Variants in AK9 observed in about 807,000 individuals in gnomAD.
AK9 encodes adenylate kinase domain containing 1.
AK9 carries 191 observed loss-of-function variants against 239.6 expected under a neutral mutation model. The observed-to-expected ratio is 0.80, with a 90% CI of 0.71 to 0.90. AK9 has a LOEUF of 0.90. Among genes scored for constraint, AK9 ranks in the 40% least tolerant of loss-of-function variants. The pLI is 0.00. For missense variants in AK9, 1,995 were observed against 2,214.7 expected, an observed-to-expected ratio of 0.90 and a Z score of 1.99; for synonymous variants, 689 against 721.0, an observed-to-expected ratio of 0.96 and a Z score of 0.71.
At chr6:109,532,639 T>G (rs1781428799) in intron 28 of AK9, among the ~76,000 whole-genome samples, 1 of 152,224 alleles carries the variant, frequency 6.6e-6, no homozygotes, top group Non-Finnish European at 1.5e-5. Context: ...CCACCTTTTA[T>G]TTTTCTATTC....
chr6:109,619,525 C>CAT (rs1046275327), intron 12 of AK9, among the ~76,000 whole-genome samples: 4 of 151,850 alleles, frequency 2.6e-5, no homozygotes, highest in African/African-American at 9.7e-5. Context: ...GAAGTTAAAA[C>CAT]ATATATATAT....
rs556121917 is a variant in AK9, at chr6:109,662,598, A to G, written c.397T>C (p.Leu133=). The change falls in exon 6 of 41, where the codon TTA becomes CTA. Residue 133 remains leucine, a synonymous_variant. Transcript: ENST00000424296. ...GGTTTCAGGTTTAAGTTTTTAATTA[A>G]TTCTATTTGCTGTAAGGTAGTCATG... ...DAMTTLQQIE[L]IKNLNLKPDV... is the part of the protein sequence containing the mutation. The G allele has an allele frequency of 1.1e-5, 17 of 1,590,582 alleles. No individual in the cohort carries two copies. The African/African-American group carries it at 1.5e-4, about 14-fold the overall frequency.
At chr6:109,493,640 G>A (rs963254649) in intron 40 of AK9, 69 bp from the exon 41 acceptor site, 2 of 1,351,548 alleles carry the variant, frequency 1.5e-6, no homozygotes, top group African/African-American at 2.9e-5. Context: ...AAAGAGACCT[G>A]GATGTGTGGT....
intron 36 of AK9, 47 bp downstream of exon 36, chr6:109,498,997 G>A (rs749963504): frequency 1.5e-6 from 2 of 1,367,494 alleles, no homozygotes; most frequent in South Asian, 3.8e-5. Context: ...TCCAAGATAA[G>A]ACATTTTCTT....
Position 109,668,161 on chromosome 6 carries a change from G to T in AK9, c.331+3758C>A, listed in dbSNP as rs1335405163. 1.3e-4 allele frequency among the ~76,000 whole-genome samples: 20 copies of T among 152,160 alleles called. 1 individual carries two copies. Among genetic ancestry groups the T allele is most frequent in the Middle Eastern group, 6.8e-3 (2 of 294 alleles). On this transcript the variant is annotated intron_variant, in intron 5 of 40. Coordinates refer to ENST00000424296, the MANE Select transcript of AK9 (RefSeq NM_001145128.3). ...TTTCTTGGACGGCCAGTGATGATGA[G>T]CATTTTTTCATGTGTCTGTTGGCTG...
Position 109,641,556 on chromosome 6 carries a change from G to A in AK9, c.895C>T (p.Gln299Ter), listed in dbSNP as rs1797448599. The A allele has an allele frequency of 6.2e-7, 1 of 1,613,584 alleles. No homozygotes were observed. The highest frequency in any genetic ancestry group is 8.5e-7 in the Non-Finnish European group (1 of 1,179,668). Residue 299 changes from glutamine to a stop codon, truncating the protein, a stop_gained, in exon 10 of 41, where the codon CAG becomes TAG. Coordinates refer to ENST00000424296, the MANE Select transcript of AK9 (RefSeq NM_001145128.3). LOFTEE classifies it high-confidence loss of function. ...LKRAAILTKL[Q>*]GAEEEINDTM... is the part of the protein sequence containing the mutation. Reference sequence around the variant, plus strand: ...TCATTAATTTCTTCCTCTGCACCCTGAAGTTTGGTTAGAATAGCTGCTCTT... The same window carrying A: ...TCATTAATTTCTTCCTCTGCACCCTAAAGTTTGGTTAGAATAGCTGCTCTT...
chr6:109,598,763 A>G (rs1791448207), intron 17 of AK9, among the ~76,000 whole-genome samples: 1 of 152,188 alleles, frequency 6.6e-6, no homozygotes, highest in Non-Finnish European at 1.5e-5. Context: ...AATGATCGCC[A>G]TTCTAACTGG....
At chr6:109,612,536 T>TG (rs1332275234) in intron 15 of AK9, among the ~76,000 whole-genome samples, 1 of 152,112 alleles carries the variant, frequency 6.6e-6, no homozygotes, top group Non-Finnish European at 1.5e-5. Flanking sequence ...CAGACAGTCT[T>TG]GGGGCAGGGC....
At chr6:109,599,896 G>A (rs1471503526) in intron 17 of AK9, among the ~76,000 whole-genome samples, 1 of 152,198 alleles carries the variant, frequency 6.6e-6, no homozygotes, top group African/African-American at 2.4e-5. Context: ...TGGTGTATAA[G>A]AATGCTTGCG....
At chr6:109,612,916 T>C (rs1372043040) in intron 15 of AK9, among the ~76,000 whole-genome samples, 2 of 149,428 alleles carry the variant, frequency 1.3e-5, no homozygotes, top group Non-Finnish European at 3.0e-5. Flanking sequence ...CAAATACATA[T>C]AAATTTATGT....
At chr6:109,647,438 C>T (rs1378065254) in intron 8 of AK9, among the ~76,000 whole-genome samples, 5 of 152,112 alleles carry the variant, frequency 3.3e-5, no homozygotes, top group African/African-American at 4.8e-5. Flanking sequence ...GGGTTGCAAT[C>T]CTAGTCTCTG....
intron 27 of AK9, among the ~76,000 whole-genome samples, chr6:109,538,232 G>A (rs1782310303): frequency 1.3e-5 from 2 of 152,166 alleles, no homozygotes; most frequent in South Asian, 4.1e-4. Context: ...ATTACTGTGT[G>A]GGAGTCTAAG....
At position 109,563,708 on chromosome 6, in the gene AK9, T is replaced by A; in HGVS notation, c.2640A>T (p.Pro880=). Residue 880 remains proline, a synonymous_variant, in exon 24 of 41, where the codon CCA becomes CCT. Coordinates refer to ENST00000424296, the MANE Select transcript of AK9 (RefSeq NM_001145128.3). ...TTAACTCCCATGCAGTATATTGAAA[T>A]GGTTCTGGAGAAAAAGAGAATCATT... ...LQKVVETMEK[P]FQYTAWELTG... 1 of 1,549,716 alleles carries A rather than the reference T, an allele frequency of 6.5e-7. No homozygotes were observed. The highest frequency in any genetic ancestry group is 8.7e-7 in the Non-Finnish European group (1 of 1,145,628).
rs1225108030 is a variant in AK9, at chr6:109,509,248, G to C, written c.4412C>G (p.Thr1471Arg). 6.4e-7 allele frequency: 1 copy of C among 1,551,966 alleles called. No individual in the cohort carries two copies. Among genetic ancestry groups the C allele is most frequent in the Non-Finnish European group, 8.7e-7 (1 of 1,147,074 alleles). ...MLNWHLHKGM[T>R]APDELAIQAL... The stretch of plus-strand genomic sequence containing the variant: ...TTGAATAGCCAGTTCATCAGGTGCT[G>C]TCATTCCTTTATGAAGATGCCAATT... The change falls in exon 33 of 41, where the codon ACA becomes AGA. Residue 1471 changes from threonine to arginine, a missense_variant. This residue lies in a region of AK9 where 45 missense variants were observed against 80.5 expected (regional missense o/e 0.56). Coordinates refer to ENST00000424296, the MANE Select transcript of AK9 (RefSeq NM_001145128.3).
At chr6:109,641,730 C>A in intron 9 of AK9, 114 bp from the exon 10 acceptor site, 1 of 867,792 alleles carries the variant, frequency 1.2e-6, no homozygotes, top group Non-Finnish European at 1.8e-6. Flanking sequence ...TGGGTCGAAT[C>A]CTTGCTTGCT....
intron 1 of AK9, among the ~76,000 whole-genome samples, chr6:109,677,800 G>A (rs1771985662): frequency 6.6e-6 from 1 of 152,020 alleles, no homozygotes; most frequent in East Asian, 1.9e-4. Flanking sequence ...ATATACAGAT[G>A]ACAAACACAT....
At chr6:109,629,371 T>A (rs539209825) in intron 12 of AK9, among the ~76,000 whole-genome samples, 2 of 152,308 alleles carry the variant, frequency 1.3e-5, no homozygotes, top group African/African-American at 2.4e-5. Context: ...GCAAAATGGT[T>A]AAAACATCAT....
intron 9 of AK9, among the ~76,000 whole-genome samples, chr6:109,642,083 A>G (rs2128288338): frequency 6.6e-6 from 1 of 152,296 alleles, no homozygotes; most frequent in East Asian, 1.9e-4. Flanking sequence ...TTGCTGCCAT[A>G]AGTCAAGAAA....
At position 109,659,328 on chromosome 6, in the gene AK9, T is replaced by G. The variant is rs1224574543; in HGVS notation, c.530A>C (p.Asp177Ala). The G allele has an allele frequency of 3.1e-6, 5 of 1,609,386 alleles. No individual in the cohort carries two copies. The highest frequency in any genetic ancestry group is 1.1e-5 in the South Asian group (1 of 90,006). Reference protein sequence around the residue: ...TGYIYSRDQWDPEVIENHRKK... With the variant: ...TGYIYSRDQWAPEVIENHRKK... ...CCTATGATTCTCAATGACTTCAGGATCCCACTGGTCTCTACTGTATATGTA... is the reference window on the plus strand; with the variant it reads ...CCTATGATTCTCAATGACTTCAGGAGCCCACTGGTCTCTACTGTATATGTA... Residue 177 changes from aspartate to alanine, a missense_variant, in exon 7 of 41, where the codon GAT becomes GCT. Transcript: ENST00000424296.
Sources: allele counts gnomAD v4.1 joint callset (sites outside exome capture counted in the v4.1 genomes callset), GRCh38; gene constraint gnomAD v4.1.1; regional missense constraint gnomAD v4.1.1; transcripts MANE v1.5; gene names NCBI Gene and HGNC (gene_info 2026-07-23, HGNC 2026-07-21).